MLXIP: variants seen among roughly 807,000 people sequenced by gnomAD.
MLXIP encodes MLX interacting protein.
In MLXIP, 30 loss-of-function variants were observed where a neutral mutation model predicts 87.2. The observed-to-expected ratio is 0.34, with a 90% CI of 0.26 to 0.47. The LOEUF is 0.47. Ranked by LOEUF, MLXIP falls within the 20% of genes least tolerant of loss-of-function variation. The probability of loss-of-function intolerance (pLI) is 1.00; values close to 1 mark genes in which losing one functional copy is unlikely to be tolerated. For synonymous variants in MLXIP, 530 were observed against 514.0 expected (o/e 1.03, Z -0.42); for missense variants, 1,002 against 1,240.1 (o/e 0.81, Z 2.88).
chr12:122,106,746 C>T (rs555816327), intron 1 of MLXIP, among the ~76,000 whole-genome samples: 47 of 151,836 alleles, frequency 3.1e-4, no homozygotes, highest in African/African-American at 1.1e-3. Flanking sequence ...GGACTACAGG[C>T]CTGCACCTCC....
At chr12:122,110,803 C>G (rs994441652) in intron 1 of MLXIP, among the ~76,000 whole-genome samples, 1 of 151,462 alleles carries the variant, frequency 6.6e-6, no homozygotes, top group Non-Finnish European at 1.5e-5. Context: ...AAGGGCTGGG[C>G]GCAGTGGCTC....
At position 122,121,009 on chromosome 12, in the gene MLXIP, G is replaced by GTTTTTCT. The variant is rs776332981; in HGVS notation, c.414-6247_414-6246insTTTTTCT. Among the ~76,000 whole-genome samples, 2 of 102,170 alleles carry GTTTTTCT rather than the reference G, an allele frequency of 2.0e-5. 1 individual carries two copies. The highest frequency in any genetic ancestry group is 3.8e-5 in the Non-Finnish European group (2 of 52,088). The allele number at this position is 102,170 out of a possible 152,430, so 67.0% of individuals were successfully genotyped here. A position where few individuals can be genotyped will look rare whatever the true frequency, so the allele number is the denominator to read the frequency against. On this transcript the variant is annotated intron_variant, in intron 1 of 16. Coordinates refer to ENST00000319080, the MANE Select transcript of MLXIP (RefSeq NM_014938.6). ...TAGCCCCAGAGCCCTCTGCATGCTT[G>GTTTTTCT]GTTTTTTTTTTTTTTTTTTGAAACG...
chr12:122,093,178 G>A lies in MLXIP; in HGVS notation c.413+13912G>A, dbSNP rs1322595541. On this transcript the variant is annotated intron_variant, in intron 1 of 16. Coordinates refer to ENST00000319080, the MANE Select transcript of MLXIP (RefSeq NM_014938.6). ...GTGTAGGGTATGTAGTGTGTGTAGT[G>A]TGTGGGGGTGGATGTCTGTGTGTGG... Among the ~76,000 whole-genome samples the A allele has an allele frequency of 4.0e-5, 6 of 150,102 alleles. No homozygotes were observed. In the East Asian group the frequency reaches 1.2e-3, roughly 30 times the overall value.
At chr12:122,122,951 C>T (rs1196987291) in intron 1 of MLXIP, among the ~76,000 whole-genome samples, 35 of 151,964 alleles carry the variant, frequency 2.3e-4, no homozygotes, top group East Asian at 1.9e-4. Flanking sequence ...CCTCAGCCCT[C>T]CAAGTGCTGG....
At chr12:122,129,467 C>A (rs550794649) in intron 4 of MLXIP, 121 bp from the exon 5 acceptor site, 13 of 1,180,908 alleles carry the variant, frequency 1.1e-5, no homozygotes, top group Non-Finnish European at 1.3e-5. Flanking sequence ...GTGCAGGCAT[C>A]GGCCTGGGGA....
chr12:122,090,572 A>G (rs567446384), intron 1 of MLXIP, among the ~76,000 whole-genome samples: 2 of 152,242 alleles, frequency 1.3e-5, no homozygotes, highest in East Asian at 3.9e-4. Context: ...AGTAGTTATA[A>G]TTGTAAGAAT....
Position 122,127,948 on chromosome 12 carries a change from G to A in MLXIP, c.586G>A (p.Asp196Asn). 1 of 1,613,726 alleles carries A rather than the reference G, an allele frequency of 6.2e-7. No homozygotes were observed. The highest frequency in any genetic ancestry group is 8.5e-7 in the Non-Finnish European group (1 of 1,179,774). ...VTPLDGSVDV[D>N]EHRRPEAITT... ...ACCCCTGGACGGCTCTGTGGACGTA[G>A]ACGAGCACCGCCGGCCGGAGGTACT... Residue 196 changes from aspartate (D) to asparagine (N), a missense_variant, in exon 3 of 17, where the codon GAC (aspartate) becomes AAC (asparagine). Asp to Asn is a conservative substitution (Grantham distance 23, BLOSUM62 1). Coordinates refer to ENST00000319080, the MANE Select transcript of MLXIP (RefSeq NM_014938.6).
intron 1 of MLXIP, among the ~76,000 whole-genome samples, chr12:122,122,642 C>A (rs1333927334): frequency 6.6e-6 from 1 of 151,906 alleles, no homozygotes; most frequent in South Asian, 2.1e-4. Context: ...CCCAGGTTCA[C>A]GCCATTCTCC....
At chr12:122,097,568 T>C (rs1357911933) in intron 1 of MLXIP, among the ~76,000 whole-genome samples, 2 of 150,860 alleles carry the variant, frequency 1.3e-5, no homozygotes, top group Non-Finnish European at 1.5e-5. Context: ...TGCTGAACTA[T>C]GATCACTGCA....
Position 122,137,596 on chromosome 12 carries a change from G to T in MLXIP, c.2154+6G>T, listed in dbSNP as rs892488203. 1 of 1,613,420 alleles carries T rather than the reference G, an allele frequency of 6.2e-7. No individual in the cohort carries two copies. ...AAAATGTGGCTGCACTAAAGGTACC[G>T]CATGTCTCCTCTTGGTTCCCTTGGG... On this transcript the variant is annotated splice_donor_region_variant and intron_variant, in intron 12 of 16. Coordinates refer to ENST00000319080, the MANE Select transcript of MLXIP (RefSeq NM_014938.6). This position sits in a 1 kb window ranked among gnomAD's most constrained non-coding sequence, Gnocchi z 4.1.
intron 1 of MLXIP, among the ~76,000 whole-genome samples, chr12:122,120,481 C>T (rs192391433): frequency 3.3e-5 from 5 of 152,264 alleles, no homozygotes; most frequent in Admixed American, 3.3e-4. Flanking sequence ...CTGCCTTGGC[C>T]CCTCAAAGTG....
At chr12:122,117,233 A>G (rs927319776) in intron 1 of MLXIP, among the ~76,000 whole-genome samples, 2 of 152,210 alleles carry the variant, frequency 1.3e-5, no homozygotes, top group African/African-American at 2.4e-5. Context: ...AAAGATGCCA[A>G]GAGATCCACG....
chr12:122,131,831 T>G (rs1213193425), intron 7 of MLXIP, among the ~76,000 whole-genome samples: 1 of 151,370 alleles, frequency 6.6e-6, no homozygotes, highest in East Asian at 1.9e-4. Context: ...CTCCTGGACT[T>G]AAGCGATCCT....
chr12:122,127,795 C>A, intron 2 of MLXIP, 88 bp from the exon 3 acceptor site: 1 of 996,946 alleles, frequency 1.0e-6, no homozygotes, highest in Non-Finnish European at 1.6e-6. Flanking sequence ...GGAATGTGGT[C>A]TGCCCTAGGG....
intron 1 of MLXIP, among the ~76,000 whole-genome samples, chr12:122,093,620 GGTGT>G (rs1157052555): frequency 7.8e-6 from 1 of 128,182 alleles, no homozygotes; most frequent in Non-Finnish European, 1.6e-5. Context: ...GTGTGTGTGT[GGTGT>G]GTGTGTTGGT....
chr12:122,139,080 C>T, intron 15 of MLXIP, 142 bp downstream of exon 15: 5 of 1,335,160 alleles, frequency 3.7e-6, no homozygotes, highest in Non-Finnish European at 5.0e-6. Context: ...TAGTGTCTAT[C>T]TCGGGAGAGA....
intron 1 of MLXIP, 75 bp downstream of exon 1, chr12:122,079,341 C>G (rs944393944): frequency 7.6e-7 from 1 of 1,307,842 alleles, no homozygotes; most frequent in African/African-American, 1.5e-5. Flanking sequence ...AGGGAAGGGC[C>G]GCCTGGCAAC....
At chr12:122,127,825 C>A in intron 2 of MLXIP, 58 bp from the exon 3 acceptor site, 1 of 1,432,148 alleles carries the variant, frequency 7.0e-7, no homozygotes, top group Non-Finnish European at 9.8e-7. Flanking sequence ...AGCAGACAGG[C>A]TGGGGCTCCC....
At chr12:122,119,958 G>T (rs1025563589) in intron 1 of MLXIP, among the ~76,000 whole-genome samples, 4 of 152,168 alleles carry the variant, frequency 2.6e-5, no homozygotes, top group Admixed American at 6.5e-5. Context: ...GCTTAGTGAC[G>T]AGAACTCTTC....
Sources: allele counts gnomAD v4.1 joint callset (sites outside exome capture counted in the v4.1 genomes callset), GRCh38; gene constraint gnomAD v4.1.1; non-coding constraint Gnocchi (gnomAD v3.1); transcripts MANE v1.5; gene names NCBI Gene and HGNC (gene_info 2026-07-23, HGNC 2026-07-21).